The following NPHP1 variants were observed in gnomAD, a reference collection of about 807,000 sequenced individuals.
The protein encoded by NPHP1 is nephrocystin-1.
A neutral mutation model predicts 90.4 loss-of-function variants in NPHP1; 70 were observed. The observed-to-expected ratio is 0.77, with a 90% CI of 0.64 to 0.95. The LOEUF (loss-of-function observed/expected upper bound fraction) is 0.95. NPHP1 is among the 40% of genes least tolerant of loss of function. The pLI is 0.00. For missense variants in NPHP1, 764 were observed against 795.9 expected (o/e 0.96, Z 0.48); for synonymous variants, 256 against 271.7 (o/e 0.94, Z 0.57).
Position 110,133,691 on chromosome 2 carries a change from A to G in NPHP1, c.1530-1900T>C, listed in dbSNP as rs929982431. On this transcript the variant is annotated intron_variant, in intron 16 of 19. Coordinates refer to ENST00000445609, the MANE Select transcript of NPHP1 (RefSeq NM_001128178.3). The stretch of plus-strand genomic sequence containing the variant: ...AAATCATACAAAATATCTTTTTTCA[A>G]TCATAATGAAATGAAACTAGAAATC... Among the ~76,000 whole-genome samples the G allele has an allele frequency of 3.3e-5, 5 of 152,088 alleles. 1 individual carries two copies. Among genetic ancestry groups the G allele is most frequent in the African/African-American group, 1.2e-4 (5 of 41,438 alleles).
chr2:110,198,029 C>T (rs1251116095), intron 2 of NPHP1, among the ~76,000 whole-genome samples: 3 of 152,074 alleles, frequency 2.0e-5, no homozygotes, highest in South Asian at 2.1e-4. Context: ...CCTGAAACCC[C>T]ACAAAAAATG....
intron 2 of NPHP1, among the ~76,000 whole-genome samples, chr2:110,182,570 T>C (rs1192956673): frequency 1.3e-5 from 2 of 151,958 alleles, no homozygotes; most frequent in African/African-American, 4.8e-5. Context: ...AGAAATAAGA[T>C]CCTTTTCAGA....
rs1682351414 is a variant in NPHP1, at chr2:110,161,663, T to C, written c.894A>G (p.Pro298=). Residue 298 remains proline (P), a synonymous_variant, in exon 10 of 20, where the codon CCA becomes CCG. Coordinates refer to ENST00000445609, the MANE Select transcript of NPHP1 (RefSeq NM_001128178.3). ...NQFRANYFLQ[P]ELMPSQLAFR... The stretch of plus-strand genomic sequence containing the variant: ...AGGCCAGTTGTGAAGGCATGAGCTC[T>C]GGTTGTAAGAAGTAATTTGCTCGAA... 1.2e-6 allele frequency: 2 copies of C among 1,612,294 alleles called. No homozygotes were observed. The highest frequency in any genetic ancestry group is 1.7e-4 in the Middle Eastern group (1 of 6,060).
rs1278114777 is a variant in NPHP1 at position 110,204,999 on chromosome 2, G to A, written c.-31C>T. ...TGGCTGCGGTGCTCTGATTGCTCCAGTTGCCAGGGAAACCAACCGGCGGCG... is the reference window on the plus strand; with the variant it reads ...TGGCTGCGGTGCTCTGATTGCTCCAATTGCCAGGGAAACCAACCGGCGGCG... On this transcript the variant is annotated 5_prime_UTR_variant, in exon 1 of 20. Transcript: ENST00000445609. The A allele has an allele frequency of 6.2e-7, 1 of 1,612,576 alleles. No individual in the cohort carries two copies. The highest frequency in any genetic ancestry group is 2.2e-5 in the East Asian group (1 of 44,844).
At position 110,129,009 on chromosome 2, in the gene NPHP1, C is replaced by T. The variant is rs550562472; in HGVS notation, c.1716+177G>A. ...TGCTCCCTGGGTCAGGGAAGGCAGC[C>T]CTTGGGAATTTATGCTAAGATGGGA... On this transcript the variant is annotated intron_variant, in intron 18 of 19. Coordinates refer to ENST00000445609, the MANE Select transcript of NPHP1 (RefSeq NM_001128178.3). The T allele has an allele frequency of 9.8e-5, 62 of 635,760 alleles. No homozygotes were observed. In the African/African-American group the frequency reaches 1.1e-3, roughly 11 times the overall value. 39.4% of individuals were successfully genotyped at this position (635,760 alleles called of 1,614,324 possible). A position where few individuals can be genotyped will look rare whatever the true frequency, so the allele number is the denominator to read the frequency against.
intron 4 of NPHP1, among the ~76,000 whole-genome samples, chr2:110,173,716 C>T (rs903888898): frequency 2.0e-5 from 3 of 152,084 alleles, no homozygotes; most frequent in African/African-American, 7.2e-5. Context: ...TAGGTTTGTG[C>T]AAGTACATTC....
intron 4 of NPHP1, 124 bp downstream of exon 4, chr2:110,178,299 G>T: frequency 3.2e-6 from 3 of 937,806 alleles, no homozygotes; most frequent in East Asian, 4.9e-5. Context: ...AATAAATGTT[G>T]ACTGATTCTA....
intron 1 of NPHP1, chr2:110,202,512 T>C: frequency 2.3e-6 from 1 of 439,524 alleles, no homozygotes; most frequent in Admixed American, 2.4e-5. Context: ...GCTAATACTA[T>C]CAAAACAAAC....
At chr2:110,182,072 G>A (rs1464933426) in intron 2 of NPHP1, among the ~76,000 whole-genome samples, 1 of 151,970 alleles carries the variant, frequency 6.6e-6, no homozygotes, top group Non-Finnish European at 1.5e-5. Flanking sequence ...AAGACAGGCG[G>A]ACAAGAATAG....
At chr2:110,139,213 A>G (rs1015042429) in intron 16 of NPHP1, among the ~76,000 whole-genome samples, 1 of 151,850 alleles carries the variant, frequency 6.6e-6, no homozygotes, top group Non-Finnish European at 1.5e-5. Context: ...TTACACACAC[A>G]CACACACACA....
At chr2:110,138,366 A>G (rs1680369597) in intron 16 of NPHP1, among the ~76,000 whole-genome samples, 1 of 152,168 alleles carries the variant, frequency 6.6e-6, no homozygotes, top group African/African-American at 2.4e-5. Flanking sequence ...CCACTCTTTA[A>G]ATCCTGAATT....
rs1183406444 is a variant in NPHP1, at chr2:110,177,672, T to A, written c.329+751A>T. On this transcript the variant is annotated intron_variant, in intron 4 of 19. Transcript: ENST00000445609. ...GGAATACTCAACTTGTATATGTAAG[T>A]CTTCTTTACAACTTTCAGAAGCTAT... is the stretch of plus-strand genomic sequence containing the variant. Among the ~76,000 whole-genome samples, 3 of 152,122 alleles carry A rather than the reference T, an allele frequency of 2.0e-5. No homozygotes were observed. In the East Asian group the frequency reaches 5.8e-4, roughly 29 times the overall value.
intron 2 of NPHP1, among the ~76,000 whole-genome samples, chr2:110,191,191 G>C (rs546500723): frequency 6.6e-6 from 1 of 152,148 alleles, no homozygotes; most frequent in African/African-American, 2.4e-5. Flanking sequence ...GCAGCACACC[G>C]AGCATGAGCT....
At chr2:110,181,691 C>T (rs1422711929) in intron 2 of NPHP1, among the ~76,000 whole-genome samples, 1 of 152,176 alleles carries the variant, frequency 6.6e-6, no homozygotes, top group Non-Finnish European at 1.5e-5. Flanking sequence ...AAATAATTGA[C>T]ACAAAATGCT....
rs188777800 is a variant in NPHP1 at position 110,146,220 on chromosome 2, T to C, written c.1352+533A>G. On this transcript the variant is annotated intron_variant, in intron 14 of 19. Coordinates refer to ENST00000445609, the MANE Select transcript of NPHP1 (RefSeq NM_001128178.3). The stretch of plus-strand genomic sequence containing the variant: ...CCTCCATTTTAAAATTTAGATGATC[T>C]TTTTCTTATTAATTTTTGAGAGTTC... Among the ~76,000 whole-genome samples, 3 of 152,310 alleles carry C rather than the reference T, an allele frequency of 2.0e-5. No individual in the cohort carries two copies. In the East Asian group the frequency reaches 5.8e-4, roughly 29 times the overall value.
chr2:110,137,665 T>G (rs375389135), intron 16 of NPHP1, among the ~76,000 whole-genome samples: 5 of 152,170 alleles, frequency 3.3e-5, no homozygotes, highest in African/African-American at 1.2e-4. Flanking sequence ...CATTAAAAAG[T>G]CAGGAAACAA....
At chr2:110,201,004 G>T (rs1039460229) in intron 2 of NPHP1, among the ~76,000 whole-genome samples, 1 of 151,886 alleles carries the variant, frequency 6.6e-6, no homozygotes, top group Non-Finnish European at 1.5e-5. Flanking sequence ...AGTTCATCAC[G>T]TCTATTTAAA....
intron 11 of NPHP1, 141 bp downstream of exon 11, chr2:110,159,986 C>A: frequency 5.1e-6 from 4 of 782,558 alleles, no homozygotes; most frequent in South Asian, 5.0e-5. Context: ...ATGAATTTTT[C>A]AAAGAGTCAT....
chr2:110,148,273 T>C (rs1175641825), intron 12 of NPHP1, among the ~76,000 whole-genome samples: 2 of 152,086 alleles, frequency 1.3e-5, no homozygotes, highest in Non-Finnish European at 2.9e-5. Context: ...TCCTTCCTCC[T>C]TCTTGCTCCT....
Sources: gnomAD v4.1 joint callset for allele counts (sites outside exome capture counted in the v4.1 genomes callset) on GRCh38, gnomAD v4.1.1 for gene constraint, MANE v1.5 for transcripts, NCBI Gene and HGNC (gene_info 2026-07-23, HGNC 2026-07-21) for gene names.